The following MAD1L1 variants were observed in gnomAD, a reference collection of about 807,000 sequenced individuals.
MAD1L1 encodes mitotic spindle assembly checkpoint protein MAD1.
MAD1L1 carries 95 observed loss-of-function variants against 96.9 expected under a neutral mutation model. That is an observed-to-expected ratio of 0.98 (90% CI 0.83 to 1.16). MAD1L1 has a LOEUF of 1.16. Among genes scored for constraint, MAD1L1 ranks in the 50% most tolerant of loss-of-function variants. The probability of loss-of-function intolerance (pLI) is 0.00; values close to 1 mark genes in which losing one functional copy is unlikely to be tolerated. For missense variants in MAD1L1, 1,007 were observed against 954.4 expected (o/e 1.06, Z -0.73); for synonymous variants, 473 against 396.6 (o/e 1.19, Z -2.29).
intron 17 of MAD1L1, among the ~76,000 whole-genome samples, chr7:1,935,147 C>T (rs1477450449): frequency 6.6e-6 from 1 of 152,284 alleles, no homozygotes; most frequent in Non-Finnish European, 1.5e-5. Flanking sequence ...CCCAAATCCT[C>T]TCCCAGGGTG....
chr7:2,014,633 C>T lies in MAD1L1; in HGVS notation c.1228G>A (p.Gly410Ser), dbSNP rs749298709. 18 of 1,609,828 alleles carry T rather than the reference C, an allele frequency of 1.1e-5. No individual in the cohort carries two copies. Among genetic ancestry groups the T allele is most frequent in the Non-Finnish European group, 1.3e-5 (15 of 1,178,394 alleles). ...RVLLLTKERD[G>S]MRAILGSYDS... Reference sequence around the variant, plus strand: ...TAGGACCCCAGGATGGCCCGCATACCGTCCCGCTCCTGTGGACACAGAGGG... The same window carrying T: ...TAGGACCCCAGGATGGCCCGCATACTGTCCCGCTCCTGTGGACACAGAGGG... The change falls in exon 13 of 19, where the codon GGT becomes AGT. Residue 410 changes from glycine (G) to serine (S), a missense_variant. Gly to Ser is a moderately conservative substitution (Grantham distance 56). Coordinates refer to ENST00000265854, the MANE Select transcript of MAD1L1 (RefSeq NM_001013836.2).
chr7:1,857,160 G>A (rs116620823), intron 18 of MAD1L1, among the ~76,000 whole-genome samples: 144 of 152,330 alleles, frequency 9.5e-4, no homozygotes, highest in African/African-American at 3.3e-3. Flanking sequence ...CCAGAGCCAC[G>A]GTTTCTTAGG....
chr7:1,973,540 C>T (rs1780497020), intron 15 of MAD1L1, among the ~76,000 whole-genome samples: 1 of 152,120 alleles, frequency 6.6e-6, no homozygotes, highest in South Asian at 2.1e-4. Context: ...ACGAGGGCCG[C>T]AGACAGCTGG....
At chr7:1,980,398 C>T in intron 15 of MAD1L1, 55 bp downstream of exon 15, 1 of 1,509,966 alleles carries the variant, frequency 6.6e-7, no homozygotes, top group Non-Finnish European at 9.1e-7. Flanking sequence ...GGCGTATCCG[C>T]CTCCTCTCTG....
At chr7:2,138,370 C>T (rs1425499309) in intron 11 of MAD1L1, among the ~76,000 whole-genome samples, 2 of 152,178 alleles carry the variant, frequency 1.3e-5, no homozygotes, top group Non-Finnish European at 2.9e-5. Context: ...TGCACTTAGT[C>T]CAGAGCCACT....
chr7:2,104,998 G>A (rs1280878628), intron 11 of MAD1L1, among the ~76,000 whole-genome samples: 1 of 152,238 alleles, frequency 6.6e-6, no homozygotes, highest in Non-Finnish European at 1.5e-5. Context: ...CCCGCCTGGA[G>A]ATGGGATTCC....
In MAD1L1 at chr7:2,214,840, A is replaced by C. The variant is rs1022074001; in HGVS notation, c.924+1045T>G. 2.0e-5 allele frequency among the ~76,000 whole-genome samples: 3 copies of C among 152,346 alleles called. No individual in the cohort carries two copies. The East Asian group carries it at 5.8e-4, about 29-fold the overall frequency. ...AACACCCCCAGCACAGGGCCCTGCCAGCCCTGATCCTCACAGTGCCACACG... is the reference window on the plus strand; with the variant it reads ...AACACCCCCAGCACAGGGCCCTGCCCGCCCTGATCCTCACAGTGCCACACG... On this transcript the variant is annotated intron_variant, in intron 9 of 18. Coordinates refer to ENST00000265854, the MANE Select transcript of MAD1L1 (RefSeq NM_001013836.2).
At chr7:2,099,088 G>A (rs1427080741) in intron 11 of MAD1L1, among the ~76,000 whole-genome samples, 3 of 152,236 alleles carry the variant, frequency 2.0e-5, no homozygotes, top group African/African-American at 7.2e-5. Flanking sequence ...CCCAGTGCAC[G>A]TGGCTGAAGA....
At chr7:2,014,903 G>A (rs551627594) in intron 12 of MAD1L1, among the ~76,000 whole-genome samples, 37 of 152,362 alleles carry the variant, frequency 2.4e-4, no homozygotes, top group East Asian at 7.7e-4. Flanking sequence ...TCACTACAGC[G>A]GGTGTGGGCT....
At chr7:1,836,269 C>A (rs1195634208) in intron 18 of MAD1L1, among the ~76,000 whole-genome samples, 1 of 152,178 alleles carries the variant, frequency 6.6e-6, no homozygotes, top group Non-Finnish European at 1.5e-5. Context: ...ATCTGCCTGC[C>A]TCAGCCTCCC....
At chr7:2,073,574 C>T (rs1055081280) in intron 11 of MAD1L1, among the ~76,000 whole-genome samples, 4 of 152,360 alleles carry the variant, frequency 2.6e-5, no homozygotes, top group African/African-American at 4.8e-5. Flanking sequence ...GCTCTTCCTC[C>T]GCCACTCTCG....
At chr7:1,954,253 T>C (rs1779628882) in intron 16 of MAD1L1, among the ~76,000 whole-genome samples, 1 of 151,820 alleles carries the variant, frequency 6.6e-6, no homozygotes, top group Non-Finnish European at 1.5e-5. Context: ...TCACCGGAGA[T>C]CTCCAAAGAC....
intron 13 of MAD1L1, among the ~76,000 whole-genome samples, chr7:2,004,363 G>A (rs1305306812): frequency 2.0e-5 from 3 of 152,260 alleles, no homozygotes; most frequent in African/African-American, 7.2e-5. Flanking sequence ...ACTGTCCTGG[G>A]CACACAGGCG....
At chr7:1,936,595 G>A in intron 17 of MAD1L1, 92 bp downstream of exon 17, 1 of 1,297,212 alleles carries the variant, frequency 7.7e-7, no homozygotes, top group Non-Finnish European at 1.1e-6. Flanking sequence ...GGGATGACAG[G>A]CAGGGGCGCC....
At chr7:1,946,135 G>A (rs1172242353) in intron 16 of MAD1L1, among the ~76,000 whole-genome samples, 1 of 152,186 alleles carries the variant, frequency 6.6e-6, no homozygotes, top group Non-Finnish European at 1.5e-5. Flanking sequence ...CTTCCTCCCA[G>A]GCCCCATCTG....
chr7:1,842,950 C>T (rs190997317), intron 18 of MAD1L1, among the ~76,000 whole-genome samples: 1 of 152,238 alleles, frequency 6.6e-6, no homozygotes, highest in Non-Finnish European at 1.5e-5. Context: ...AGTCCGAGGC[C>T]GGGCTCCAGC....
intron 15 of MAD1L1, among the ~76,000 whole-genome samples, chr7:1,960,164 A>C (rs1250808905): frequency 6.6e-6 from 1 of 152,116 alleles, no homozygotes; most frequent in Non-Finnish European, 1.5e-5. Flanking sequence ...AAGCCCTAAA[A>C]TAACAAAGAC....
At chr7:2,157,067 G>A (rs914511497) in intron 10 of MAD1L1, among the ~76,000 whole-genome samples, 2 of 152,158 alleles carry the variant, frequency 1.3e-5, no homozygotes, top group African/African-American at 4.8e-5. Flanking sequence ...TCCTACAAAT[G>A]TCATCACAAG....
At chr7:2,183,066 G>A (rs1791279696) in intron 10 of MAD1L1, among the ~76,000 whole-genome samples, 1 of 151,884 alleles carries the variant, frequency 6.6e-6, no homozygotes, top group Non-Finnish European at 1.5e-5. Context: ...CTACAAAAGA[G>A]AAAAAATTAG....
Sources: allele counts gnomAD v4.1 joint callset (sites outside exome capture counted in the v4.1 genomes callset), GRCh38; gene constraint gnomAD v4.1.1; transcripts MANE v1.5; gene names NCBI Gene and HGNC (gene_info 2026-07-23, HGNC 2026-07-21).